The following ZC3HC1 variants were observed in gnomAD, a reference collection of about 807,000 sequenced individuals.
The protein encoded by ZC3HC1 is zinc finger C3HC-type protein 1.
In ZC3HC1, 38 loss-of-function variants were observed where a neutral mutation model predicts 61.9. The observed-to-expected ratio is 0.61, with a 90% CI of 0.47 to 0.81. The LOEUF (loss-of-function observed/expected upper bound fraction) is 0.81. Ranked by LOEUF, ZC3HC1 falls within the 30% of genes least tolerant of loss-of-function variation. The pLI, the probability that ZC3HC1 is intolerant of heterozygous loss-of-function variation, is 0.00. For missense variants in ZC3HC1, 554 were observed against 622.7 expected, an observed-to-expected ratio of 0.89 and a Z score of 1.17; for synonymous variants, 213 against 229.9, an observed-to-expected ratio of 0.93 and a Z score of 0.67.
chr7:130,020,584 G>A (rs1330322346), intron 9 of ZC3HC1, among the ~76,000 whole-genome samples: 2 of 149,888 alleles, frequency 1.3e-5, no homozygotes, highest in African/African-American at 2.5e-5. Flanking sequence ...TTTTTTTTTC[G>A]AACATCAGGA....
chr7:130,041,399 G>A (rs1477310937), intron 2 of ZC3HC1, among the ~76,000 whole-genome samples: 1 of 151,890 alleles, frequency 6.6e-6, no homozygotes, highest in East Asian at 1.9e-4. Flanking sequence ...ATGTTGCTCA[G>A]GCTGGTCTTG....
At chr7:130,045,378 T>A (rs1247417570) in intron 2 of ZC3HC1, 2 of 424,804 alleles carry the variant, frequency 4.7e-6, no homozygotes, top group African/African-American at 2.0e-5. Context: ...AGACGTGGTG[T>A]GGTACCACAT....
chr7:130,048,180 T>C (rs983081840), intron 2 of ZC3HC1, among the ~76,000 whole-genome samples: 3 of 145,454 alleles, frequency 2.1e-5, no homozygotes, highest in African/African-American at 5.2e-5. Context: ...CACGGAGTCT[T>C]GCTCTGCTGC....
intron 9 of ZC3HC1, among the ~76,000 whole-genome samples, chr7:130,019,970 C>A (rs1447210415): frequency 6.6e-6 from 1 of 151,812 alleles, no homozygotes; most frequent in African/African-American, 2.4e-5. Flanking sequence ...GCATATGCCA[C>A]CACGCCCAGC....
At chr7:130,019,154 C>T (rs375788907) in intron 9 of ZC3HC1, among the ~76,000 whole-genome samples, 13 of 151,298 alleles carry the variant, frequency 8.6e-5, no homozygotes, top group South Asian at 2.1e-4. Flanking sequence ...CCCGGGTTCA[C>T]GCCATTCTCC....
chr7:130,029,665 T>C (rs546302031), intron 4 of ZC3HC1, among the ~76,000 whole-genome samples: 1 of 152,292 alleles, frequency 6.6e-6, no homozygotes, highest in South Asian at 2.1e-4. Flanking sequence ...AGTTGATCAT[T>C]GTTGAAGTTG....
intron 4 of ZC3HC1, among the ~76,000 whole-genome samples, chr7:130,037,241 C>T (rs1383757064): frequency 6.6e-6 from 1 of 152,154 alleles, no homozygotes; most frequent in Non-Finnish European, 1.5e-5. Context: ...GTCAGGAGTT[C>T]AAGACCAGCC....
intron 9 of ZC3HC1, 137 bp downstream of exon 9, chr7:130,022,182 C>A (rs1584837707): frequency 8.5e-7 from 1 of 1,169,714 alleles, no homozygotes; most frequent in Non-Finnish European, 1.2e-6. Flanking sequence ...AAAAAACAAA[C>A]AAACAAACAA....
chr7:130,042,092 C>T (rs1436795295), intron 2 of ZC3HC1, among the ~76,000 whole-genome samples: 1 of 151,980 alleles, frequency 6.6e-6, no homozygotes, highest in African/African-American at 2.4e-5. Flanking sequence ...CACTTGAGCT[C>T]AGGAGTTGAA....
chr7:130,032,371 T>A (rs1223738461), intron 4 of ZC3HC1, among the ~76,000 whole-genome samples: 1 of 151,640 alleles, frequency 6.6e-6, no homozygotes, highest in Non-Finnish European at 1.5e-5. Flanking sequence ...TGAGGCCAGG[T>A]ACAGTTGCTC....
intron 3 of ZC3HC1, 123 bp downstream of exon 3, chr7:130,040,828 A>G (rs1334191738): frequency 2.1e-6 from 2 of 957,150 alleles, no homozygotes; most frequent in Admixed American, 5.5e-5. Context: ...AAAAAAGATT[A>G]AAAAAAAAGA....
intron 4 of ZC3HC1, among the ~76,000 whole-genome samples, chr7:130,038,727 G>A (rs538266234): frequency 8.6e-5 from 13 of 151,942 alleles, no homozygotes; most frequent in Middle Eastern, 3.2e-3. Context: ...GGGTGTGGCA[G>A]CGTGTACCTG....
intron 1 of ZC3HC1, among the ~76,000 whole-genome samples, chr7:130,049,607 C>A (rs1020241307): frequency 1.3e-5 from 2 of 151,312 alleles, no homozygotes; most frequent in East Asian, 3.9e-4. Flanking sequence ...TGCAACGGTG[C>A]GATCTCGGCT....
chr7:130,028,806 AC>A (rs1794045595), intron 5 of ZC3HC1, 95 bp downstream of exon 5: 1 of 1,493,020 alleles, frequency 6.7e-7, no homozygotes, highest in South Asian at 1.3e-5. Context: ...AGTTCTCTTC[AC>A]AGCAATTGCA....
At chr7:130,035,146 T>C (rs1252497605) in intron 4 of ZC3HC1, among the ~76,000 whole-genome samples, 4 of 152,098 alleles carry the variant, frequency 2.6e-5, no homozygotes, top group African/African-American at 7.2e-5. Context: ...TCATAGCACT[T>C]TGGGAGGCCG....
chr7:130,047,196 C>T (rs1271322253), intron 2 of ZC3HC1, among the ~76,000 whole-genome samples: 1 of 152,126 alleles, frequency 6.6e-6, no homozygotes, highest in Non-Finnish European at 1.5e-5. Flanking sequence ...CTCTTGACCT[C>T]GTAATCCACT....
chr7:130,024,853 G>GACC (rs1317647944), intron 6 of ZC3HC1, among the ~76,000 whole-genome samples: 3 of 62,090 alleles, frequency 4.8e-5, no homozygotes, highest in East Asian at 4.3e-3. Flanking sequence ...AGACCAGCCT[G>GACC]ACCAACAACA....
intron 4 of ZC3HC1, among the ~76,000 whole-genome samples, chr7:130,036,467 CAGG>C (rs1393262776): frequency 6.6e-6 from 1 of 152,088 alleles, no homozygotes; most frequent in Admixed American, 6.6e-5. Flanking sequence ...AAGGCTGAGG[CAGG>C]AGAATTGCCT....
At chr7:130,030,394 T>C (rs146097802) in intron 4 of ZC3HC1, among the ~76,000 whole-genome samples, 10 of 152,118 alleles carry the variant, frequency 6.6e-5, no homozygotes, top group Admixed American at 1.3e-4. Context: ...AAGACAGGGT[T>C]TCATCATGTT....
Sources: gnomAD v4.1 joint callset for allele counts (sites outside exome capture counted in the v4.1 genomes callset) on GRCh38, gnomAD v4.1.1 for gene constraint, MANE v1.5 for transcripts, NCBI Gene and HGNC (gene_info 2026-07-23, HGNC 2026-07-21) for gene names.